The following TCF7 variants were observed in gnomAD, a reference collection of about 807,000 sequenced individuals.
The protein encoded by TCF7 is T-cell-factor-7.
Under a neutral mutation model 46.8 loss-of-function variants are expected in TCF7, and 19 were observed. The observed-to-expected ratio is 0.41, with a 90% CI of 0.28 to 0.60. TCF7 has a LOEUF of 0.60. Among genes scored for constraint, TCF7 ranks in the 20% least tolerant of loss-of-function variants. The pLI, the probability that TCF7 is intolerant of heterozygous loss-of-function variation, is 0.35. For missense variants in TCF7, 547 were observed against 504.6 expected, an observed-to-expected ratio of 1.08 and a Z score of -0.81; for synonymous variants, 245 against 213.4, an observed-to-expected ratio of 1.15 and a Z score of -1.29.
At chr5:134,117,829 C>T (rs1756033831) in intron 3 of TCF7, among the ~76,000 whole-genome samples, 1 of 152,218 alleles carries the variant, frequency 6.6e-6, no homozygotes, top group Non-Finnish European at 1.5e-5. Context: ...TGCCCTCCTC[C>T]CCGCGCAGCC....
intron 4 of TCF7, 133 bp from the exon 5 acceptor site, chr5:134,138,818 C>T: frequency 7.3e-7 from 1 of 1,370,804 alleles, no homozygotes. Flanking sequence ...CCTGAATAAA[C>T]TAGTTTATGT....
Position 134,144,735 on chromosome 5 carries a change from C to T in TCF7, c.1075+1095C>T. The T allele has an allele frequency of 3.1e-6, 4 of 1,294,754 alleles. No individual in the cohort carries two copies. The South Asian group carries it at 3.6e-5, about 12-fold the overall frequency. The allele number at this position is 1,294,754 out of a possible 1,614,324, so 80.2% of individuals were successfully genotyped here. A position where few individuals can be genotyped will look rare whatever the true frequency, so the allele number is the denominator to read the frequency against. On this transcript the variant is annotated intron_variant, in intron 9 of 9. Transcript: ENST00000342854. ...TGTTACCTCTTCTTTCTGGGCCCTG[C>T]TCTGCCCCGCTGCCTGCTCGCCCTC...
chr5:134,121,136 C>T (rs889274739), intron 3 of TCF7, among the ~76,000 whole-genome samples: 1 of 152,126 alleles, frequency 6.6e-6, no homozygotes, highest in African/African-American at 2.4e-5. Context: ...AGTGCTATCC[C>T]TGGGGCCAGG....
Position 134,146,677 on chromosome 5 carries a change from G to A in TCF7, c.*374G>A. ...TGCAGGACTTCTGCCTGAACCTGGG[G>A]TCATCGATTCAAACTGCTCCAAGTG... On this transcript the variant is annotated 3_prime_UTR_variant, in exon 10 of 10. Coordinates refer to ENST00000342854, the MANE Select transcript of TCF7 (RefSeq NM_003202.5). 1.6e-6 allele frequency: 1 copy of A among 631,958 alleles called. No homozygotes were observed. The highest frequency in any genetic ancestry group is 1.9e-5 in the South Asian group (1 of 53,874). 39.1% of individuals were successfully genotyped at this position (631,958 alleles called of 1,614,324 possible).
chr5:134,135,645 G>C (rs1758757413), intron 3 of TCF7, among the ~76,000 whole-genome samples: 1 of 152,202 alleles, frequency 6.6e-6, no homozygotes, highest in Non-Finnish European at 1.5e-5. Flanking sequence ...TTTGGGGCAG[G>C]AAGTCAGAGG....
At chr5:134,129,254 G>C (rs1244747596) in intron 3 of TCF7, among the ~76,000 whole-genome samples, 1 of 152,214 alleles carries the variant, frequency 6.6e-6, no homozygotes, top group Non-Finnish European at 1.5e-5. Flanking sequence ...TGTTACTAGT[G>C]GGGGCTGCCA....
In TCF7 at chr5:134,115,969, A is replaced by G. The variant is rs951575560; in HGVS notation, c.377A>G (p.Asn126Ser). The G allele has an allele frequency of 6.2e-6, 10 of 1,613,840 alleles. No individual in the cohort carries two copies. The highest frequency in any genetic ancestry group is 1.3e-5 in the African/African-American group (1 of 74,930). The change falls in exon 3 of 10, where the codon AAT becomes AGT. Residue 126 changes from asparagine to serine, a missense_variant. By Grantham distance (46) the Asn-to-Ser change is conservative (BLOSUM62 1). Transcript: ENST00000342854. ...AAAGAGACCGTCTACTCCGCCTTCA[A>G]TCTGCTCATGCATTACCCACCCCCC... ...MYKETVYSAF[N>S]LLMHYPPPSG...
rs773935324 is a variant in TCF7, at chr5:134,146,615, G to A, written c.*312G>A. Reference sequence around the variant, plus strand: ...GAAACTGGCCAGGGGTCCTGTTAACGTCATCTCAGGGTCCAGACCCTGAAG... The same window carrying A: ...GAAACTGGCCAGGGGTCCTGTTAACATCATCTCAGGGTCCAGACCCTGAAG... On this transcript the variant is annotated 3_prime_UTR_variant, in exon 10 of 10. Coordinates refer to ENST00000342854, the MANE Select transcript of TCF7 (RefSeq NM_003202.5). 27 of 681,856 alleles carry A rather than the reference G, an allele frequency of 4.0e-5. No homozygotes were observed. The highest frequency in any genetic ancestry group is 1.1e-4 in the Admixed American group (4 of 37,838). The allele number at this position is 681,856 out of a possible 1,614,324, so 42.2% of individuals were successfully genotyped here.
At chr5:134,134,894 T>C (rs1400690646) in intron 3 of TCF7, among the ~76,000 whole-genome samples, 2 of 152,168 alleles carry the variant, frequency 1.3e-5, no homozygotes, top group Non-Finnish European at 2.9e-5. Flanking sequence ...CCCCAGGCAT[T>C]GTGAACAAGG....
chr5:134,134,995 C>T (rs1486676108), intron 3 of TCF7, among the ~76,000 whole-genome samples: 1 of 152,174 alleles, frequency 6.6e-6, no homozygotes. Flanking sequence ...ACTCTGTCAC[C>T]CAGGCTGGAG....
Position 134,115,120 on chromosome 5 carries a change from C to G in TCF7, c.214C>G (p.Pro72Ala). Residue 72 changes from proline to alanine, a missense_variant, in exon 1 of 10, where the codon CCG becomes GCG. Pro to Ala is a conservative substitution (Grantham distance 27). This residue lies in a region of TCF7 where 425 missense variants were observed against 349.9 expected (regional missense o/e 1.21). Coordinates refer to ENST00000342854, the MANE Select transcript of TCF7 (RefSeq NM_003202.5). ...AAGGAGIPGV[P>A]GAGAGARGEA... ...CGGCGGCGCAGGGATCCCGGGGGTC[C>G]CGGGGGCCGGCGCCGGGGCCCGCGG... is the stretch of plus-strand genomic sequence containing the variant. 9.8e-7 allele frequency: 1 copy of G among 1,020,478 alleles called. No homozygotes were observed. Among genetic ancestry groups the G allele is most frequent in the Non-Finnish European group, 1.2e-6 (1 of 853,458 alleles). The allele number at this position is 1,020,478 out of a possible 1,614,324, so 63.2% of individuals were successfully genotyped here. A position where few individuals can be genotyped will look rare whatever the true frequency, so the allele number is the denominator to read the frequency against.
Position 134,143,267 on chromosome 5 carries a change from C to T in TCF7, c.1026+167C>T, listed in dbSNP as rs763541724. 8.2e-5 allele frequency: 63 copies of T among 770,690 alleles called. No individual in the cohort carries two copies. The African/African-American group carries it at 1.1e-3, about 13-fold the overall frequency. The allele number at this position is 770,690 out of a possible 1,614,324, so 47.7% of individuals were successfully genotyped here. ...CATGGCTGCCTCAGAAGAGGACAAG[C>T]CCACATCCTATTCTCCACTCCAGAA... On this transcript the variant is annotated intron_variant, in intron 8 of 9. Coordinates refer to ENST00000342854, the MANE Select transcript of TCF7 (RefSeq NM_003202.5).
At chr5:134,114,268 A>AAG, upstream of TCF7, among the ~76,000 whole-genome samples, 1 of 152,094 alleles carries the variant, frequency 6.6e-6, no homozygotes, top group Non-Finnish European at 1.5e-5. Context: ...AGCCTCAAGC[A>AAG]GCCTCAAGCC....
At chr5:134,143,881 G>A (rs1012013797) in intron 9 of TCF7, 1 of 535,100 alleles carries the variant, frequency 1.9e-6, no homozygotes, top group Non-Finnish European at 3.4e-6. Context: ...GGAGTAGATG[G>A]TGCGTTCCTC....
In TCF7 at chr5:134,146,804, A is replaced by C. The variant is rs961304166; in HGVS notation, c.*501A>C. 1.1e-5 allele frequency: 5 copies of C among 470,982 alleles called. No individual in the cohort carries two copies. The highest frequency in any genetic ancestry group is 1.0e-4 in the African/African-American group (5 of 50,066). The allele number at this position is 470,982 out of a possible 1,614,324, so 29.2% of individuals were successfully genotyped here. ...TTGTACCATCTGTCTTGCCAGCCAG[A>C]AGCCTCTGCCTCCCTAGCTTTTCTG... On this transcript the variant is annotated 3_prime_UTR_variant, in exon 10 of 10. Transcript: ENST00000342854.
chr5:134,143,884 C>A, intron 9 of TCF7: 1 of 523,968 alleles, frequency 1.9e-6, no homozygotes, highest in Non-Finnish European at 3.4e-6. Flanking sequence ...GTAGATGGTG[C>A]GTTCCTCTGC....
upstream of TCF7, among the ~76,000 whole-genome samples, chr5:134,111,278 T>C (rs997398647): frequency 6.6e-6 from 1 of 152,184 alleles, no homozygotes; most frequent in Non-Finnish European, 1.5e-5. Context: ...TAGTCCTGTT[T>C]CCAGCATCTG....
At chr5:134,130,136 C>T (rs2149314149) in intron 3 of TCF7, among the ~76,000 whole-genome samples, 1 of 152,358 alleles carries the variant, frequency 6.6e-6, no homozygotes, top group East Asian at 1.9e-4. Context: ...TGAGCAGGGG[C>T]GCCTCCAGCC....
intron 3 of TCF7, among the ~76,000 whole-genome samples, chr5:134,137,472 C>T (rs550845759): frequency 1.3e-5 from 2 of 150,974 alleles, no homozygotes; most frequent in East Asian, 3.9e-4. Flanking sequence ...AAGTAAGAGT[C>T]CTGCGGTGCT....
Sources: allele counts gnomAD v4.1 joint callset (sites outside exome capture counted in the v4.1 genomes callset), GRCh38; gene constraint gnomAD v4.1.1; regional missense constraint gnomAD v4.1.1; transcripts MANE v1.5; gene names NCBI Gene and HGNC (gene_info 2026-07-23, HGNC 2026-07-21).